Variants in PSAP observed in about 807,000 individuals in gnomAD.
The protein encoded by PSAP is prosaposin.
In PSAP, 25 loss-of-function variants were observed where a neutral mutation model predicts 66.0. The observed-to-expected ratio is 0.38, with a 90% confidence interval of 0.28 to 0.53. The LOEUF (loss-of-function observed/expected upper bound fraction) is 0.53. Ranked by LOEUF, PSAP falls within the 20% of genes least tolerant of loss-of-function variation. The pLI is 0.83. For missense variants in PSAP, 649 were observed against 668.8 expected (o/e 0.97, Z 0.33); for synonymous variants, 273 against 258.9 (o/e 1.05, Z -0.52).
intron 7 of PSAP, among the ~76,000 whole-genome samples, chr10:71,825,350 G>T (rs1842381983): frequency 6.6e-6 from 1 of 152,202 alleles, no homozygotes; most frequent in African/African-American, 2.4e-5. Flanking sequence ...TTCTAATGAA[G>T]GAATGCCCCC....
At chr10:71,833,032 C>CAAAAAAAA (rs1220122223) in intron 2 of PSAP, among the ~76,000 whole-genome samples, 1 of 95,362 alleles carries the variant, frequency 1.0e-5, no homozygotes, top group African/African-American at 4.6e-5. Flanking sequence ...AAAAAAAAAA[C>CAAAAAAAA]AAAAAACAAA....
chr10:71,818,781 C>T (rs1340094908), intron 12 of PSAP, 57 bp from the exon 13 acceptor site: 9 of 1,428,092 alleles, frequency 6.3e-6, no homozygotes, highest in Middle Eastern at 1.8e-4. Context: ...CCCGATGTAT[C>T]GCTTTCAAAA....
intron 1 of PSAP, among the ~76,000 whole-genome samples, chr10:71,846,731 CAAAAAAAAAAAAAAA>C (rs56323015): frequency 1.0e-4 from 5 of 49,680 alleles, no homozygotes; most frequent in African/African-American, 4.6e-4. Context: ...GACCCTGTCT[CAAAAAAAAAAAAAAA>C]AAAAAAAAAA....
At chr10:71,843,142 G>C (rs576658016) in intron 1 of PSAP, among the ~76,000 whole-genome samples, 1 of 152,254 alleles carries the variant, frequency 6.6e-6, no homozygotes, top group Admixed American at 6.5e-5. Context: ...GGGGAACTCT[G>C]ATAAGGCAAC....
rs1353633772 is a variant in PSAP at position 71,817,410 on chromosome 10, T to G, written c.*31A>C. 18 of 1,612,246 alleles carry G rather than the reference T, an allele frequency of 1.1e-5. No homozygotes were observed. The highest frequency in any genetic ancestry group is 1.5e-5 in the Non-Finnish European group (18 of 1,178,224). On this transcript the variant is annotated 3_prime_UTR_variant, in exon 14 of 14. Transcript: ENST00000394936. ...CACAAGTAGAAAAAAACCAATGCTG[T>G]GGTTTCTGCCAAGATGGAATATTCC...
intron 2 of PSAP, among the ~76,000 whole-genome samples, chr10:71,833,032 C>CAA (rs1220122223): frequency 1.0e-5 from 1 of 95,362 alleles, no homozygotes; most frequent in South Asian, 3.6e-4. Flanking sequence ...AAAAAAAAAA[C>CAA]AAAAAACAAA....
intron 4 of PSAP, 43 bp from the exon 5 acceptor site, chr10:71,829,120 G>C (rs1302965750): frequency 1.3e-6 from 2 of 1,576,402 alleles, no homozygotes; most frequent in Non-Finnish European, 8.7e-7. Flanking sequence ...CCTCTCCCCA[G>C]GGGAAAATAA....
Position 71,821,975 on chromosome 10 carries a change from G to C in PSAP, c.810C>G (p.Phe270Leu). Reference protein sequence around the residue: ...QPKEICALVGFCDEVKEMPMQ... With the variant: ...QPKEICALVGLCDEVKEMPMQ... ...TGGGCATCTCTTTCACCTCATCACAGAACCCAACCAGCGCACAGATCTCCT... is the reference window on the plus strand; with the variant it reads ...TGGGCATCTCTTTCACCTCATCACACAACCCAACCAGCGCACAGATCTCCT... Residue 270 changes from phenylalanine (F) to leucine (L), a missense_variant, in exon 8 of 14, where the codon TTC becomes TTG. Phe to Leu is a conservative substitution (Grantham distance 22). Transcript: ENST00000394936. The C allele has an allele frequency of 1.2e-6, 2 of 1,614,178 alleles. No homozygotes were observed. The highest frequency in any genetic ancestry group is 2.2e-5 in the South Asian group (2 of 91,080).
chr10:71,822,807 A>G, intron 7 of PSAP: 2 of 329,154 alleles, frequency 6.1e-6, no homozygotes, highest in South Asian at 5.2e-5. Flanking sequence ...AGTGCTAAAA[A>G]CAGGACCTGT....
At position 71,831,698 on chromosome 10, in the gene PSAP, A is replaced by G. The variant is rs140038914; in HGVS notation, c.249+148T>C. 437 of 817,548 alleles carry G rather than the reference A, an allele frequency of 5.3e-4. 1 individual carries two copies. In the African/African-American group the frequency reaches 5.8e-3, roughly 11 times the overall value. The allele number at this position is 817,548 out of a possible 1,614,324, so 50.6% of individuals were successfully genotyped here. On this transcript the variant is annotated intron_variant, in intron 3 of 13. Transcript: ENST00000394936. The stretch of plus-strand genomic sequence containing the variant: ...GGACAGTATACGGCTCATATACCCT[A>G]AAATCTTTTCTCCTTGATCCTTTGT...
intron 1 of PSAP, 152 bp downstream of exon 1, chr10:71,851,030 A>C: frequency 3.3e-5 from 28 of 837,304 alleles, no homozygotes; most frequent in East Asian, 1.5e-4. Context: ...AGAGAAAGCC[A>C]GAGAAAGCCA....
rs1842180181 is a variant in PSAP, at chr10:71,817,034, G to A, written c.*407C>T. 2 of 344,780 alleles carry A rather than the reference G, an allele frequency of 5.8e-6. No homozygotes were observed. Among genetic ancestry groups the A allele is most frequent in the Non-Finnish European group, 1.1e-5 (2 of 182,078 alleles). The allele number at this position is 344,780 out of a possible 1,614,324, so 21.4% of individuals were successfully genotyped here. On this transcript the variant is annotated 3_prime_UTR_variant, in exon 14 of 14. Coordinates refer to ENST00000394936, the MANE Select transcript of PSAP (RefSeq NM_002778.4). ...GCGGGGAGGGTCCCTGATCAGGGCA[G>A]GAGGCCACCTCAGAAGCCCAGGCCC...
intron 13 of PSAP, 117 bp from the exon 14 acceptor site, chr10:71,817,593 G>C: frequency 1.1e-6 from 1 of 939,406 alleles, no homozygotes; most frequent in Non-Finnish European, 1.8e-6. Context: ...AGGTCAGCTG[G>C]ATGGCACCAG....
chr10:71,820,018 C>CA, intron 9 of PSAP, 118 bp from the exon 10 acceptor site: 1 of 1,012,318 alleles, frequency 9.9e-7, no homozygotes, highest in Non-Finnish European at 1.5e-6. Flanking sequence ...TTTCCACCCA[C>CA]AAAAAACTAC....
intron 7 of PSAP, among the ~76,000 whole-genome samples, chr10:71,824,935 T>C (rs1589449432): frequency 6.6e-6 from 1 of 152,236 alleles, no homozygotes; most frequent in African/African-American, 2.4e-5. Context: ...TAGAACATGG[T>C]AGGGTGTGAG....
At position 71,834,522 on chromosome 10, in the gene PSAP, C is replaced by A. The variant is rs181164406; in HGVS notation, c.41-17G>T. 5.6e-6 allele frequency: 9 copies of A among 1,612,934 alleles called. No individual in the cohort carries two copies. Among genetic ancestry groups the A allele is most frequent in the African/African-American group, 1.3e-5 (1 of 74,914 alleles). On this transcript the variant is annotated splice_polypyrimidine_tract_variant and intron_variant, in intron 1 of 13. Transcript: ENST00000394936. ...CGGCTAGAGCTAAAATGAAAACCAA[C>A]GTGAGGAGGTGGCCCATTTTGTAGC...
chr10:71,821,287 G>A (rs1842296471), intron 8 of PSAP, among the ~76,000 whole-genome samples: 1 of 152,242 alleles, frequency 6.6e-6, no homozygotes, highest in Non-Finnish European at 1.5e-5. Flanking sequence ...AGGCCTTGAA[G>A]AACTAGAATG....
chr10:71,816,443 AAGTGGGC>A lies in PSAP; in HGVS notation c.*991_*997del. Reference sequence around the variant, plus strand: ...GAAGTGGACAGAAGCGTGGGTGCCCAAGTGGGCCACAGACAGCTTCCAACCCCCACAC... The same window carrying A: ...GAAGTGGACAGAAGCGTGGGTGCCCACACAGACAGCTTCCAACCCCCACAC... On this transcript the variant is annotated 3_prime_UTR_variant, in exon 14 of 14. Transcript: ENST00000394936. 1 of 471,270 alleles carries A rather than the reference AAGTGGGC, an allele frequency of 2.1e-6. No homozygotes were observed. Among genetic ancestry groups the A allele is most frequent in the South Asian group, 1.5e-5 (1 of 64,572 alleles). The allele number at this position is 471,270 out of a possible 1,614,324, so 29.2% of individuals were successfully genotyped here.
Position 71,819,552 on chromosome 10 carries a change from G to C in PSAP, c.1263C>G (p.Arg421=), listed in dbSNP as rs1842251438. ...VCKKLVGYLD[R]NLEKNSTKQE... ...GCTTGGTGCTGTTTTTCTCCAGGTTGCGATCCAAATAACCCACCAGCTTCT... is the reference window on the plus strand; with the variant it reads ...GCTTGGTGCTGTTTTTCTCCAGGTTCCGATCCAAATAACCCACCAGCTTCT... The change falls in exon 11 of 14, where the codon CGC becomes CGG. Residue 421 remains arginine (R), a synonymous_variant. Transcript: ENST00000394936. 2 of 1,614,098 alleles carry C rather than the reference G, an allele frequency of 1.2e-6. No individual in the cohort carries two copies. Among genetic ancestry groups the C allele is most frequent in the South Asian group, 2.2e-5 (2 of 91,092 alleles).
Sources: gnomAD v4.1 joint callset for allele counts (sites outside exome capture counted in the v4.1 genomes callset) on GRCh38, gnomAD v4.1.1 for gene constraint, MANE v1.5 for transcripts, NCBI Gene and HGNC (gene_info 2026-07-23, HGNC 2026-07-21) for gene names.